The following ECHDC1 variants were observed in gnomAD, a reference collection of about 807,000 sequenced individuals.
ECHDC1 encodes the protein ethylmalonyl-CoA decarboxylase.
Under a neutral mutation model 29.7 loss-of-function variants are expected in ECHDC1, and 29 were observed. The observed-to-expected ratio is 0.98, with a 90% CI of 0.73 to 1.33. The LOEUF is 1.33. Among genes scored for constraint, ECHDC1 ranks in the 40% most tolerant of loss-of-function variants. The probability of loss-of-function intolerance (pLI) is 0.00; values close to 1 mark genes in which losing one functional copy is unlikely to be tolerated. For synonymous variants in ECHDC1, 126 were observed against 123.1 expected, an observed-to-expected ratio of 1.02 and a Z score of -0.15; for missense variants, 328 against 350.0, an observed-to-expected ratio of 0.94 and a Z score of 0.50.
rs546709786 is a variant in ECHDC1 at position 127,325,582 on chromosome 6, C to G, written c.363+1420G>C. 3.7e-4 allele frequency among the ~76,000 whole-genome samples: 57 copies of G among 152,174 alleles called. No individual in the cohort carries two copies. In the Middle Eastern group the frequency reaches 0.014, roughly 36 times the overall value. ...CTACCTCCCAAAGTTTCCTCCCACC[C>G]CTTTTATTATTATTATTATTAACTT... is the stretch of plus-strand genomic sequence containing the variant. On this transcript the variant is annotated intron_variant, in intron 3 of 5. Transcript: ENST00000454859.
At chr6:127,311,082 C>G (rs1470076426) in intron 5 of ECHDC1, among the ~76,000 whole-genome samples, 2 of 152,146 alleles carry the variant, frequency 1.3e-5, no homozygotes, top group Non-Finnish European at 2.9e-5. Context: ...GGAAACCAAA[C>G]AGTTCGTGTG....
chr6:127,319,401 G>T (rs1001834889), intron 3 of ECHDC1, among the ~76,000 whole-genome samples: 8 of 152,166 alleles, frequency 5.3e-5, no homozygotes, highest in African/African-American at 1.9e-4. Context: ...TACAGTAAGA[G>T]AATAAAAGTT....
Position 127,289,599 on chromosome 6 carries a change from G to A in ECHDC1, c.*270C>T, listed in dbSNP as rs1010570564. ...TTTAAACACTGCTCTTTGGTTATAA[G>A]CTAAGAATTATTATTGGAATTGACA... On this transcript the variant is annotated 3_prime_UTR_variant, in exon 6 of 6. Coordinates refer to ENST00000454859, the MANE Select transcript of ECHDC1 (RefSeq NM_001002030.2). 2 of 344,502 alleles carry A rather than the reference G, an allele frequency of 5.8e-6. No homozygotes were observed. Among genetic ancestry groups the A allele is most frequent in the African/African-American group, 4.2e-5 (2 of 47,594 alleles). 21.3% of individuals were successfully genotyped at this position (344,502 alleles called of 1,614,324 possible). A position where few individuals can be genotyped will look rare whatever the true frequency, so the allele number is the denominator to read the frequency against.
intron 5 of ECHDC1, among the ~76,000 whole-genome samples, chr6:127,311,557 C>T (rs901466562): frequency 2.7e-5 from 4 of 150,330 alleles, no homozygotes; most frequent in Non-Finnish European, 5.9e-5. Context: ...CGCCTGTAAT[C>T]GCAGCTACTA....
chr6:127,291,282 T>TTTC (rs1459562281), intron 5 of ECHDC1, among the ~76,000 whole-genome samples: 1 of 151,144 alleles, frequency 6.6e-6, no homozygotes, highest in Non-Finnish European at 1.5e-5. Flanking sequence ...ATACCTTTTT[T>TTTC]TTTTTTTTTT....
intron 5 of ECHDC1, among the ~76,000 whole-genome samples, chr6:127,309,444 TAAAGAAAAA>T (rs1452219901): frequency 1.4e-5 from 2 of 143,020 alleles, no homozygotes; most frequent in Admixed American, 7.0e-5. Flanking sequence ...CAAATCAAAA[TAAAGAAAAA>T]GAAAAAACCC....
intron 1 of ECHDC1, among the ~76,000 whole-genome samples, chr6:127,335,447 T>C (rs186020875): frequency 3.9e-5 from 6 of 152,186 alleles, no homozygotes; most frequent in Admixed American, 2.0e-4. Context: ...AGCGGGGTGC[T>C]TGTCATCTTA....
intron 5 of ECHDC1, among the ~76,000 whole-genome samples, chr6:127,311,511 C>G (rs544406035): frequency 6.6e-6 from 1 of 151,214 alleles, no homozygotes; most frequent in African/African-American, 2.4e-5. Context: ...CCCATCTCTA[C>G]TAAAAGTACA....
chr6:127,342,551 G>T, intron 1 of ECHDC1: 2 of 585,884 alleles, frequency 3.4e-6, no homozygotes, highest in Non-Finnish European at 5.8e-6. Context: ...CCACAAGCTT[G>T]TCTGTTCCAA....
At chr6:127,322,633 T>TTA (rs374416078) in intron 3 of ECHDC1, among the ~76,000 whole-genome samples, 1 of 113,188 alleles carries the variant, frequency 8.8e-6, no homozygotes, top group East Asian at 2.0e-4. Flanking sequence ...ATATATACTA[T>TTA]ATATATATGT....
chr6:127,317,465 T>C (rs2114628221), intron 3 of ECHDC1, among the ~76,000 whole-genome samples: 1 of 152,268 alleles, frequency 6.6e-6, no homozygotes, highest in East Asian at 1.9e-4. Context: ...CTTTGAATCC[T>C]AGTGCTGCCA....
At chr6:127,323,172 C>A (rs1230904309) in intron 3 of ECHDC1, among the ~76,000 whole-genome samples, 1 of 151,920 alleles carries the variant, frequency 6.6e-6, no homozygotes, top group Non-Finnish European at 1.5e-5. Flanking sequence ...CCCAGGATAT[C>A]TCATTATATA....
At chr6:127,338,441 C>A (rs1458641453) in intron 1 of ECHDC1, among the ~76,000 whole-genome samples, 1 of 151,294 alleles carries the variant, frequency 6.6e-6, no homozygotes, top group East Asian at 1.9e-4. Context: ...TTTTTTTCCA[C>A]CAGTAAACCT....
At chr6:127,305,966 T>C (rs1781405325) in intron 5 of ECHDC1, among the ~76,000 whole-genome samples, 2 of 148,352 alleles carry the variant, frequency 1.3e-5, no homozygotes, top group South Asian at 2.1e-4. Context: ...ATATTGAATG[T>C]ACATGGACTA....
chr6:127,327,217 CA>C, intron 2 of ECHDC1, 73 bp from the exon 3 acceptor site: 1 of 1,522,202 alleles, frequency 6.6e-7, no homozygotes, highest in East Asian at 2.3e-5. Flanking sequence ...TTATAAATCA[CA>C]AGTGTCAAGC....
intron 3 of ECHDC1, among the ~76,000 whole-genome samples, chr6:127,321,558 T>C (rs4895822): frequency 0.73 from 111,126 of 152,126 alleles, 40,769 homozygotes; most frequent in East Asian, 0.78. Flanking sequence ...GATAAACACA[T>C]TCCATACTTT....
chr6:127,302,325 G>C (rs1018329846), intron 5 of ECHDC1, among the ~76,000 whole-genome samples: 5 of 152,050 alleles, frequency 3.3e-5, no homozygotes, highest in Non-Finnish European at 7.4e-5. Context: ...CATCTAAAAA[G>C]TCTTAATTTT....
chr6:127,327,925 T>C (rs1457310477), intron 2 of ECHDC1, among the ~76,000 whole-genome samples: 1 of 152,364 alleles, frequency 6.6e-6, no homozygotes, highest in East Asian at 1.9e-4. Flanking sequence ...ACAAAGTTCA[T>C]GGTTTTCAAC....
chr6:127,302,932 C>T (rs1781161796), intron 5 of ECHDC1, among the ~76,000 whole-genome samples: 2 of 152,092 alleles, frequency 1.3e-5, no homozygotes, highest in African/African-American at 4.8e-5. Context: ...GCACTGATGA[C>T]AGCAGAGGGC....
Sources: gnomAD v4.1 joint callset for allele counts (sites outside exome capture counted in the v4.1 genomes callset) on GRCh38, gnomAD v4.1.1 for gene constraint, MANE v1.5 for transcripts, NCBI Gene and HGNC (gene_info 2026-07-23, HGNC 2026-07-21) for gene names.